Variants in CFAP157 observed in about 807,000 individuals in gnomAD.
The protein encoded by CFAP157 is cilia- and flagella-associated protein 157.
CFAP157 carries 43 observed loss-of-function variants against 57.8 expected under a neutral mutation model. That is an observed-to-expected ratio of 0.74 (90% confidence interval 0.58 to 0.96). The LOEUF is 0.96. Among genes scored for constraint, CFAP157 ranks in the 40% least tolerant of loss-of-function variants. The pLI, the probability that CFAP157 is intolerant of heterozygous loss-of-function variation, is 0.00. For synonymous variants in CFAP157, 267 were observed against 269.0 expected, an observed-to-expected ratio of 0.99 and a Z score of 0.07; for missense variants, 606 against 655.3, an observed-to-expected ratio of 0.92 and a Z score of 0.82.
At chr9:127,711,707 A>T in intron 4 of CFAP157, 113 bp from the exon 5 acceptor site, 1 of 1,274,660 alleles carries the variant, frequency 7.8e-7, no homozygotes, top group East Asian at 2.5e-5. Context: ...AGCAGAGTCC[A>T]GCCCTGGAGA....
chr9:127,707,231 C>A, intron 1 of CFAP157, 39 bp downstream of exon 1: 1 of 1,596,406 alleles, frequency 6.3e-7, no homozygotes, highest in South Asian at 1.1e-5. Context: ...TGCCCTGGGT[C>A]AGAAGCCCAT....
intron 2 of CFAP157, 75 bp from the exon 3 acceptor site, chr9:127,710,526 G>C: frequency 2.6e-6 from 4 of 1,512,688 alleles, no homozygotes; most frequent in Non-Finnish European, 3.6e-6. Context: ...GACCTAAGGG[G>C]CATCTTTAAG....
At position 127,714,920 on chromosome 9, in the gene CFAP157, G is replaced by GCCCCAA; in HGVS notation, c.*1020_*1025dup. On this transcript the variant is annotated 3_prime_UTR_variant, in exon 9 of 9. Transcript: ENST00000373295. ...GCCAGTGCTCCCCTCTGGCCCCCGCGCCCCAACCCCCACCCCCTTGGCCCG... is the reference window on the plus strand; with the variant it reads ...GCCAGTGCTCCCCTCTGGCCCCCGCGCCCCAACCCCAACCCCCACCCCCTTGGCCCG... 1 of 454,994 alleles carries GCCCCAA rather than the reference G, an allele frequency of 2.2e-6. No homozygotes were observed. Among genetic ancestry groups the GCCCCAA allele is most frequent in the Admixed American group, 3.4e-5 (1 of 29,492 alleles). 28.2% of individuals were successfully genotyped at this position (454,994 alleles called of 1,614,324 possible).
Position 127,715,356 on chromosome 9 carries a change from A to G in CFAP157, c.*1451A>G. On this transcript the variant is annotated 3_prime_UTR_variant, in exon 9 of 9. Coordinates refer to ENST00000373295, the MANE Select transcript of CFAP157 (RefSeq NM_001012502.3). The surrounding 1 kb of genome is among the most constrained non-coding windows in gnomAD (Gnocchi z 5.8). The stretch of plus-strand genomic sequence containing the variant: ...CAGAAACCCGACCCCTGAGAACTCC[A>G]GAAGGCTGGGCAGGCAGGGCGCCCT... 4.9e-6 allele frequency: 6 copies of G among 1,236,848 alleles called. No individual in the cohort carries two copies. Among genetic ancestry groups the G allele is most frequent in the Non-Finnish European group, 5.7e-6 (5 of 872,472 alleles). 76.6% of individuals were successfully genotyped at this position (1,236,848 alleles called of 1,614,324 possible).
In CFAP157 at chr9:127,714,602, C is replaced by G; in HGVS notation, c.*697C>G. ...CAACCCTGACCATCTCAGGACCTCACCTGGCACTGCCCCCCAGCTTCAGAG... is the reference window on the plus strand; with the variant it reads ...CAACCCTGACCATCTCAGGACCTCAGCTGGCACTGCCCCCCAGCTTCAGAG... On this transcript the variant is annotated 3_prime_UTR_variant, in exon 9 of 9. Coordinates refer to ENST00000373295, the MANE Select transcript of CFAP157 (RefSeq NM_001012502.3). The G allele has an allele frequency of 6.2e-7, 1 of 1,613,594 alleles. No individual in the cohort carries two copies. The highest frequency in any genetic ancestry group is 1.1e-5 in the South Asian group (1 of 91,018).
In CFAP157 at chr9:127,715,173, C is replaced by T. The variant is rs1387499476; in HGVS notation, c.*1268C>T. On this transcript the variant is annotated 3_prime_UTR_variant, in exon 9 of 9. Transcript: ENST00000373295. This position sits in a 1 kb window ranked among gnomAD's most constrained non-coding sequence, Gnocchi z 5.8. ...ACGCTGTGTCGCGTGCCGGGCAGTCCGGGATTCCCCAGGCCAGCCACCTGC... is the reference window on the plus strand; with the variant it reads ...ACGCTGTGTCGCGTGCCGGGCAGTCTGGGATTCCCCAGGCCAGCCACCTGC... 6.5e-7 allele frequency: 1 copy of T among 1,529,252 alleles called. No homozygotes were observed. Among genetic ancestry groups the T allele is most frequent in the East Asian group, 2.4e-5 (1 of 40,900 alleles). 94.7% of individuals were successfully genotyped at this position (1,529,252 alleles called of 1,614,324 possible).
At position 127,714,594 on chromosome 9, in the gene CFAP157, G is replaced by A; in HGVS notation, c.*689G>A. ...CCCTATCCCAACCCTGACCATCTCA[G>A]GACCTCACCTGGCACTGCCCCCCAG... On this transcript the variant is annotated 3_prime_UTR_variant, in exon 9 of 9. Transcript: ENST00000373295. 3 of 1,613,012 alleles carry A rather than the reference G, an allele frequency of 1.9e-6. No individual in the cohort carries two copies. Among genetic ancestry groups the A allele is most frequent in the Non-Finnish European group, 2.5e-6 (3 of 1,179,208 alleles).
At chr9:127,712,105 T>C in intron 5 of CFAP157, 94 bp from the exon 6 acceptor site, 1 of 1,539,988 alleles carries the variant, frequency 6.5e-7, no homozygotes. Context: ...GGGGCCCCTG[T>C]GGGCTTGGAG....
chr9:127,715,417 G>A lies in CFAP157; in HGVS notation c.*1512G>A. 2.1e-6 allele frequency: 3 copies of A among 1,395,520 alleles called. No homozygotes were observed. Among genetic ancestry groups the A allele is most frequent in the South Asian group, 2.4e-5 (2 of 81,938 alleles). The allele number at this position is 1,395,520 out of a possible 1,614,324, so 86.4% of individuals were successfully genotyped here. On this transcript the variant is annotated 3_prime_UTR_variant, in exon 9 of 9. Transcript: ENST00000373295. The surrounding 1 kb of genome is among the most constrained non-coding windows in gnomAD (Gnocchi z 5.8). ...CGGAGCTTCAAGAAGTTTGGAGCCCGTCGAGCACTGAACTCACCAGTTAAG... is the reference window on the plus strand; with the variant it reads ...CGGAGCTTCAAGAAGTTTGGAGCCCATCGAGCACTGAACTCACCAGTTAAG...
chr9:127,711,105 C>T, intron 3 of CFAP157, 124 bp from the exon 4 acceptor site: 1 of 1,270,794 alleles, frequency 7.9e-7, no homozygotes, highest in Non-Finnish European at 1.1e-6. Flanking sequence ...TAGCCCCAAC[C>T]CTCCCAGGGA....
In CFAP157 at chr9:127,715,481, A is replaced by G; in HGVS notation, c.*1576A>G. ...AATTTGGGGGCACTCGGCTCCCGGG[A>G]CATAATGGCCGAACTGAAGCTAGGG... On this transcript the variant is annotated 3_prime_UTR_variant, in exon 9 of 9. Transcript: ENST00000373295. The surrounding 1 kb of genome is among the most constrained non-coding windows in gnomAD (Gnocchi z 5.8). 2 of 1,608,170 alleles carry G rather than the reference A, an allele frequency of 1.2e-6. No individual in the cohort carries two copies. Among genetic ancestry groups the G allele is most frequent in the East Asian group, 2.2e-5 (1 of 44,772 alleles).
Position 127,715,399 on chromosome 9 carries a change from T to A in CFAP157, c.*1494T>A. 1 of 1,334,122 alleles carries A rather than the reference T, an allele frequency of 7.5e-7. No homozygotes were observed. Among genetic ancestry groups the A allele is most frequent in the Non-Finnish European group, 1.0e-6 (1 of 958,308 alleles). The allele number at this position is 1,334,122 out of a possible 1,614,324, so 82.6% of individuals were successfully genotyped here. A position where few individuals can be genotyped will look rare whatever the true frequency, so the allele number is the denominator to read the frequency against. ...GGCGCCCTAGTGCAGGAACGGAGCTTCAAGAAGTTTGGAGCCCGTCGAGCA... is the reference window on the plus strand; with the variant it reads ...GGCGCCCTAGTGCAGGAACGGAGCTACAAGAAGTTTGGAGCCCGTCGAGCA... On this transcript the variant is annotated 3_prime_UTR_variant, in exon 9 of 9. Coordinates refer to ENST00000373295, the MANE Select transcript of CFAP157 (RefSeq NM_001012502.3). This position sits in a 1 kb window ranked among gnomAD's most constrained non-coding sequence, Gnocchi z 5.8.
chr9:127,712,367 AG>A lies in CFAP157; in HGVS notation c.1137+21del. 6.2e-7 allele frequency: 1 copy of A among 1,612,824 alleles called. No individual in the cohort carries two copies. Among genetic ancestry groups the A allele is most frequent in the Non-Finnish European group, 8.5e-7 (1 of 1,179,508 alleles). On this transcript the variant is annotated intron_variant, in intron 6 of 8. Coordinates refer to ENST00000373295, the MANE Select transcript of CFAP157 (RefSeq NM_001012502.3). ...TTCTGCAGGTGAGCAGAAGGGAGAG[AG>A]GGAGGGCGCAAGGGGAGGGGGAGTG...
intron 5 of CFAP157, 110 bp downstream of exon 5, chr9:127,712,060 A>G: frequency 1.1e-5 from 16 of 1,500,724 alleles, no homozygotes; most frequent in Non-Finnish European, 1.3e-5. Flanking sequence ...TCTCTAGAGG[A>G]GCCTGCCAGA....
rs1842658225 is a variant in CFAP157 at position 127,707,073 on chromosome 9, T to C, written c.42T>C (p.Leu14=). The change falls in exon 1 of 9, where the codon CTT becomes CTC. Residue 14 remains leucine (L), a synonymous_variant. Transcript: ENST00000373295. ...GTGTGAGCAAGGCAGGCAAGGAGCT[T>C]GAAGTCAAGAAGAAAGGGGGCAAGA... The part of the protein sequence containing the change: ...KKSVSKAGKE[L]EVKKKGGKKE... 6.2e-7 allele frequency: 1 copy of C among 1,613,788 alleles called. No individual in the cohort carries two copies.
rs751036602 is a variant in CFAP157, at chr9:127,712,735, C to T, written c.1164C>T (p.Asp388=). 1.3e-5 allele frequency: 21 copies of T among 1,614,040 alleles called. No individual in the cohort carries two copies. The highest frequency in any genetic ancestry group is 2.2e-5 in the East Asian group (1 of 44,896). ...LQMHRDEEDS[D]VDVTFQPWHK... ...TGCACCGCGATGAAGAGGACAGTGA[C>T]GTTGACGTGACGTTCCAGCCATGGC... Residue 388 remains aspartate (D), a synonymous_variant, in exon 7 of 9, where the codon GAC becomes GAT. Coordinates refer to ENST00000373295, the MANE Select transcript of CFAP157 (RefSeq NM_001012502.3).
intron 5 of CFAP157, 113 bp downstream of exon 5, chr9:127,712,063 C>A (rs1842778410): frequency 1.3e-6 from 2 of 1,500,600 alleles, no homozygotes; most frequent in Non-Finnish European, 9.0e-7. Flanking sequence ...CTAGAGGAGC[C>A]TGCCAGACAG....
rs757350739 is a variant in CFAP157 at position 127,713,096 on chromosome 9, G to C, written c.1381G>C (p.Asp461His). 10 of 1,613,682 alleles carry C rather than the reference G, an allele frequency of 6.2e-6. No homozygotes were observed. Among genetic ancestry groups the C allele is most frequent in the Non-Finnish European group, 7.6e-6 (9 of 1,179,818 alleles). ...LSDITPYQPG[D>H]LGLVPRQVHI... ...TGACATCACCCCCTACCAGCCGGGG[G>C]ATCTAGGCCTGGTACCTCGCCAGGT... Residue 461 changes from aspartate to histidine, a missense_variant, in exon 8 of 9, where the codon GAT (aspartate) becomes CAT (histidine). Asp to His is a moderately conservative substitution (Grantham distance 81). Coordinates refer to ENST00000373295, the MANE Select transcript of CFAP157 (RefSeq NM_001012502.3).
At position 127,711,861 on chromosome 9, in the gene CFAP157, G is replaced by T; in HGVS notation, c.897G>T (p.Gln299His). 1.3e-6 allele frequency: 2 copies of T among 1,582,654 alleles called. No homozygotes were observed. Among genetic ancestry groups the T allele is most frequent in the South Asian group, 2.3e-5 (2 of 86,456 alleles). ...CTAAGAAGTGCCAGGAGCAGCAGCA[G>T]GACACCAAGGAGGCCGAGGAGCTGC... ...MLTKKCQEQQ[Q>H]DTKEAEELRL... Residue 299 changes from glutamine (Q) to histidine (H), a missense_variant, in exon 5 of 9, where the codon CAG becomes CAT. By Grantham distance (24) the Gln-to-His change is conservative. Transcript: ENST00000373295.
Sources: gnomAD v4.1 joint callset for allele counts on GRCh38, gnomAD v4.1.1 for gene constraint, Gnocchi (gnomAD v3.1) non-coding constraint, MANE v1.5 for transcripts, NCBI Gene and HGNC (gene_info 2026-07-23, HGNC 2026-07-21) for gene names.